SLC8A1: variants seen among roughly 807,000 people sequenced by gnomAD.
SLC8A1 encodes the protein sodium/calcium exchanger 1.
Under a neutral mutation model 68.3 loss-of-function variants are expected in SLC8A1, and 18 were observed. The ratio of observed to expected loss-of-function variants is 0.26; its 90% CI spans 0.18 to 0.39. The LOEUF is 0.39. SLC8A1 is among the 10% of genes least tolerant of loss of function. The pLI is 1.00. For synonymous variants in SLC8A1, 475 were observed against 415.5 expected (o/e 1.14, Z -1.74); for missense variants, 985 against 1,156.7 (o/e 0.85, Z 2.15).
At chr2:40,483,678 CAT>C (rs1320906018) in intron 1 of SLC8A1, among the ~76,000 whole-genome samples, 4 of 152,184 alleles carry the variant, frequency 2.6e-5, no homozygotes, top group African/African-American at 9.7e-5. Flanking sequence ...ACAGAAGTCT[CAT>C]GTGGCAATTT....
At chr2:40,160,105 G>A (rs910374260) in intron 6 of SLC8A1, among the ~76,000 whole-genome samples, 5 of 152,128 alleles carry the variant, frequency 3.3e-5, no homozygotes, top group African/African-American at 9.7e-5. Flanking sequence ...TTCCTGTATC[G>A]TTATACAATC....
intron 4 of SLC8A1, among the ~76,000 whole-genome samples, chr2:40,173,053 G>C (rs2047812086): frequency 6.6e-6 from 1 of 152,138 alleles, no homozygotes; most frequent in Non-Finnish European, 1.5e-5. Context: ...TTTAGTTAGG[G>C]TCTCTTTATC....
intron 2 of SLC8A1, among the ~76,000 whole-genome samples, chr2:40,260,142 G>T (rs539767253): frequency 6.6e-6 from 1 of 152,294 alleles, no homozygotes; most frequent in South Asian, 2.1e-4. Context: ...ACACAGGCTT[G>T]ATTCTCTCTC....
chr2:40,369,651 C>T (rs1363406579), intron 2 of SLC8A1, among the ~76,000 whole-genome samples: 2 of 152,066 alleles, frequency 1.3e-5, no homozygotes, highest in African/African-American at 2.4e-5. Context: ...CATTTCAATA[C>T]TTGTTAGTAC....
intron 2 of SLC8A1, among the ~76,000 whole-genome samples, chr2:40,286,363 A>T (rs956207872): frequency 2.0e-5 from 3 of 152,120 alleles, no homozygotes; most frequent in African/African-American, 4.8e-5. Flanking sequence ...GACAGAGGGC[A>T]CCTCCTCTAG....
At chr2:40,388,851 G>A (rs767679870) in intron 2 of SLC8A1, among the ~76,000 whole-genome samples, 1 of 152,086 alleles carries the variant, frequency 6.6e-6, no homozygotes, top group Non-Finnish European at 1.5e-5. Context: ...GGGTGTGTTA[G>A]ATAAAACTAT....
At chr2:40,216,012 C>CT (rs61623694) in intron 2 of SLC8A1, among the ~76,000 whole-genome samples, 4,404 of 143,754 alleles carry the variant, frequency 0.031, 229 homozygotes, top group African/African-American at 0.1. Context: ...CCAGTGTATG[C>CT]TTTTTTTTTT....
chr2:40,409,291 A>G (rs1431974753), intron 2 of SLC8A1, among the ~76,000 whole-genome samples: 2 of 152,128 alleles, frequency 1.3e-5, no homozygotes, highest in African/African-American at 4.8e-5. Context: ...TCCTACGGGA[A>G]AAAACAAATC....
At chr2:40,131,692 C>T (rs151292349) in intron 7 of SLC8A1, among the ~76,000 whole-genome samples, 1 of 152,190 alleles carries the variant, frequency 6.6e-6, no homozygotes, top group East Asian at 1.9e-4. Flanking sequence ...AACATGACTG[C>T]TAGGAGGGTG....
At chr2:40,495,252 C>T (rs80228910) in intron 1 of SLC8A1, among the ~76,000 whole-genome samples, 2,696 of 151,822 alleles carry the variant, frequency 0.018, 88 homozygotes, top group African/African-American at 0.062. Context: ...TCAGGGGATA[C>T]ATTTAAATTC....
intron 6 of SLC8A1, among the ~76,000 whole-genome samples, chr2:40,141,709 T>C (rs947427467): frequency 1.3e-5 from 2 of 152,216 alleles, no homozygotes; most frequent in Non-Finnish European, 2.9e-5. Context: ...AAAATTCATA[T>C]GATAAAGCTC....
At chr2:40,394,480 A>G (rs1018001023) in intron 2 of SLC8A1, among the ~76,000 whole-genome samples, 1 of 151,604 alleles carries the variant, frequency 6.6e-6, no homozygotes, top group Non-Finnish European at 1.5e-5. Context: ...GTGTGAGTGA[A>G]TTTCTGAAAC....
At chr2:40,298,613 C>A (rs924132299) in intron 2 of SLC8A1, among the ~76,000 whole-genome samples, 1 of 152,128 alleles carries the variant, frequency 6.6e-6, no homozygotes, top group African/African-American at 2.4e-5. Context: ...CAGATAAATC[C>A]TACCATTTAA....
chr2:40,125,174 T>C (rs189686745), intron 7 of SLC8A1, among the ~76,000 whole-genome samples: 1 of 152,330 alleles, frequency 6.6e-6, no homozygotes, highest in East Asian at 1.9e-4. Context: ...TTTCAGCTTT[T>C]TCCTGGTCCT....
chr2:40,298,984 G>A (rs2070932933), intron 2 of SLC8A1, among the ~76,000 whole-genome samples: 1 of 152,144 alleles, frequency 6.6e-6, no homozygotes, highest in Non-Finnish European at 1.5e-5. Context: ...AGTAAAGAGA[G>A]TGGCAATGAA....
chr2:40,330,137 C>G (rs1232908043), intron 2 of SLC8A1, among the ~76,000 whole-genome samples: 1 of 152,154 alleles, frequency 6.6e-6, no homozygotes, highest in Non-Finnish European at 1.5e-5. Flanking sequence ...CTATCCTACG[C>G]TATTTATTAG....
chr2:40,505,871 G>A (rs1465069529), intron 1 of SLC8A1, among the ~76,000 whole-genome samples: 9 of 151,948 alleles, frequency 5.9e-5, no homozygotes. Context: ...ATAGGTCCAT[G>A]TCAAATTAAT....
At chr2:40,232,454 G>C (rs1248270075) in intron 2 of SLC8A1, among the ~76,000 whole-genome samples, 2 of 150,680 alleles carry the variant, frequency 1.3e-5, no homozygotes, top group Non-Finnish European at 3.0e-5. Context: ...AGAGTGGTGT[G>C]CCTTTCGAAT....
At chr2:40,170,809 T>G (rs967556068) in intron 4 of SLC8A1, among the ~76,000 whole-genome samples, 1 of 152,212 alleles carries the variant, frequency 6.6e-6, no homozygotes, top group Admixed American at 6.5e-5. Context: ...TACTAGTGAT[T>G]GGGAAGCCTA....
Sources: gnomAD v4.1 joint callset for allele counts (sites outside exome capture counted in the v4.1 genomes callset) on GRCh38, gnomAD v4.1.1 for gene constraint, MANE v1.5 for transcripts, NCBI Gene and HGNC (gene_info 2026-07-23, HGNC 2026-07-21) for gene names.